The following C8orf34 variants were observed in gnomAD, a reference collection of about 807,000 sequenced individuals.
C8orf34 encodes the protein uncharacterized protein C8orf34.
C8orf34 carries 65 observed loss-of-function variants against 68.3 expected under a neutral mutation model. The observed-to-expected ratio is 0.95, with a 90% CI of 0.78 to 1.17. The LOEUF is 1.17. Among genes scored for constraint, C8orf34 ranks in the 50% most tolerant of loss-of-function variants. C8orf34 has a pLI of 0.00. For synonymous variants in C8orf34, 244 were observed against 241.2 expected (o/e 1.01, Z -0.11); for missense variants, 664 against 655.4 (o/e 1.01, Z -0.14).
At chr8:68,487,818 A>C (rs17384100) in intron 4 of C8orf34, among the ~76,000 whole-genome samples, 2,480 of 152,328 alleles carry the variant, frequency 0.016, 38 homozygotes, top group Non-Finnish European at 0.023. Flanking sequence ...TTGCTTCAGC[A>C]GTTCATGGCT....
At chr8:68,465,065 A>G (rs2129629490) in intron 3 of C8orf34, among the ~76,000 whole-genome samples, 1 of 152,114 alleles carries the variant, frequency 6.6e-6, no homozygotes, top group Admixed American at 6.5e-5. Context: ...ACAAAGGGCT[A>G]ATATCCAGAA....
chr8:68,759,704 T>C (rs1223084106), intron 10 of C8orf34, among the ~76,000 whole-genome samples: 1 of 152,256 alleles, frequency 6.6e-6, no homozygotes, highest in African/African-American at 2.4e-5. Context: ...CAGATTATCT[T>C]GCAGGATGCA....
At chr8:68,782,972 TGA>T (rs1823723806) in intron 11 of C8orf34, among the ~76,000 whole-genome samples, 1 of 149,948 alleles carries the variant, frequency 6.7e-6, no homozygotes, top group Admixed American at 6.7e-5. Flanking sequence ...CTCCTGAGGC[TGA>T]GAGGGGAGAA....
At chr8:68,655,135 G>A (rs1316781364) in intron 8 of C8orf34, among the ~76,000 whole-genome samples, 1 of 151,662 alleles carries the variant, frequency 6.6e-6, no homozygotes, top group Non-Finnish European at 1.5e-5. Flanking sequence ...CATATTTATA[G>A]AATATGTAAA....
chr8:68,475,910 A>C (rs1586218053), intron 4 of C8orf34, among the ~76,000 whole-genome samples: 1 of 152,270 alleles, frequency 6.6e-6, no homozygotes, highest in South Asian at 2.1e-4. Flanking sequence ...CACTGGCTGG[A>C]GCCTTTCCAA....
At chr8:68,617,993 CT>C (rs1181007728) in intron 7 of C8orf34, among the ~76,000 whole-genome samples, 1 of 152,032 alleles carries the variant, frequency 6.6e-6, no homozygotes, top group Non-Finnish European at 1.5e-5. Flanking sequence ...TCTTTTTATT[CT>C]TTTTTCTTTT....
chr8:68,331,812 T>TTTTTTTG (rs900067417), intron 1 of C8orf34, among the ~76,000 whole-genome samples: 1 of 116,382 alleles, frequency 8.6e-6, no homozygotes, highest in African/African-American at 3.4e-5. Context: ...TTTTTTTTTT[T>TTTTTTTG]AATGAGGGCG....
At chr8:68,393,229 A>G (rs957662829) in intron 1 of C8orf34, among the ~76,000 whole-genome samples, 3 of 152,042 alleles carry the variant, frequency 2.0e-5, no homozygotes, top group Admixed American at 2.0e-4. Flanking sequence ...TTTTTCTAAT[A>G]TTTTCCACAC....
At chr8:68,798,352 A>G (rs1330479491) in intron 12 of C8orf34, among the ~76,000 whole-genome samples, 1 of 145,566 alleles carries the variant, frequency 6.9e-6, no homozygotes, top group Non-Finnish European at 1.5e-5. Flanking sequence ...TGCAGTGTGC[A>G]GTGGCGTGAT....
chr8:68,610,171 C>T (rs1817976019), intron 7 of C8orf34, among the ~76,000 whole-genome samples: 1 of 152,130 alleles, frequency 6.6e-6, no homozygotes, highest in South Asian at 2.1e-4. Context: ...TAAGCCTCAA[C>T]ATAATTTTTT....
rs142168790 is a variant in C8orf34 at position 68,594,587 on chromosome 8, C to T, written c.1106-45789C>T. Among the ~76,000 whole-genome samples the T allele has an allele frequency of 3.7e-3, 556 of 152,112 alleles. 7 individuals are homozygous for T. Among genetic ancestry groups the T allele is most frequent in the African/African-American group, 0.013 (533 of 41,558 alleles). On this transcript the variant is annotated intron_variant, in intron 7 of 13. Coordinates refer to ENST00000518698, the MANE Select transcript of C8orf34 (RefSeq NM_052958.4). ...ACCCAATAGGTAGTTTTTCAACCCT[C>T]CCTAAAAATATTAAAACAACTGTTC... is the stretch of plus-strand genomic sequence containing the variant.
intron 10 of C8orf34, among the ~76,000 whole-genome samples, chr8:68,743,762 A>G (rs2129527327): frequency 6.6e-6 from 1 of 152,332 alleles, no homozygotes; most frequent in Non-Finnish European, 1.5e-5. Flanking sequence ...GATTGCTAGC[A>G]CAGCAGTCTG....
At chr8:68,362,264 G>C (rs1277380444) in intron 1 of C8orf34, among the ~76,000 whole-genome samples, 2 of 152,180 alleles carry the variant, frequency 1.3e-5, no homozygotes, top group East Asian at 3.8e-4. Context: ...TATTGGCTAA[G>C]TAATGAAGAT....
intron 8 of C8orf34, among the ~76,000 whole-genome samples, chr8:68,643,602 C>T (rs1265516560): frequency 6.6e-6 from 1 of 152,108 alleles, no homozygotes; most frequent in Non-Finnish European, 1.5e-5. Context: ...TGGCTGTCTT[C>T]TCATGGTGTC....
intron 3 of C8orf34, among the ~76,000 whole-genome samples, chr8:68,466,460 AC>A (rs1256665056): frequency 5.9e-5 from 9 of 151,984 alleles, no homozygotes; most frequent in Non-Finnish European, 8.8e-5. Flanking sequence ...TGACTTGATC[AC>A]TACGTGTTAT....
intron 3 of C8orf34, among the ~76,000 whole-genome samples, chr8:68,468,453 C>A (rs991175181): frequency 6.6e-6 from 1 of 151,920 alleles, no homozygotes; most frequent in Non-Finnish European, 1.5e-5. Flanking sequence ...TAAGTTAATA[C>A]CTGAATTTTC....
intron 1 of C8orf34, among the ~76,000 whole-genome samples, chr8:68,355,459 T>C (rs1403620868): frequency 6.6e-6 from 1 of 152,172 alleles, no homozygotes; most frequent in Non-Finnish European, 1.5e-5. Context: ...TGAAAACAGT[T>C]TGAAGAGCCT....
rs547257229 is a variant in C8orf34, at chr8:68,375,080, C to T, written c.327+43741C>T. Among the ~76,000 whole-genome samples, 25 of 152,222 alleles carry T rather than the reference C, an allele frequency of 1.6e-4. No homozygotes were observed. The South Asian group carries it at 5.2e-3, about 32-fold the overall frequency. On this transcript the variant is annotated intron_variant, in intron 1 of 13. Coordinates refer to ENST00000518698, the MANE Select transcript of C8orf34 (RefSeq NM_052958.4). Reference sequence around the variant, plus strand: ...CTGAGATGTTTTCCTAATTCTTTAGCAGAGATGGATCTGTGATTACTTATC... The same window carrying T: ...CTGAGATGTTTTCCTAATTCTTTAGTAGAGATGGATCTGTGATTACTTATC...
chr8:68,559,343 G>T (rs1041919164), intron 7 of C8orf34, among the ~76,000 whole-genome samples: 1 of 152,010 alleles, frequency 6.6e-6, no homozygotes, highest in African/African-American at 2.4e-5. Flanking sequence ...TTTGGGATAA[G>T]AAACGACTTT....
Sources: allele counts gnomAD v4.1 joint callset (sites outside exome capture counted in the v4.1 genomes callset), GRCh38; gene constraint gnomAD v4.1.1; transcripts MANE v1.5; gene names NCBI Gene and HGNC (gene_info 2026-07-23, HGNC 2026-07-21).